Variants in CRYZ observed in about 807,000 individuals in gnomAD.
CRYZ encodes zeta-crystallin.
In CRYZ, 35 loss-of-function variants were observed where a neutral mutation model predicts 34.1. The ratio of observed to expected loss-of-function variants is 1.03; its 90% CI spans 0.78 to 1.36. CRYZ has a LOEUF of 1.36. Among genes scored for constraint, CRYZ ranks in the 40% most tolerant of loss-of-function variants. The pLI, the probability that CRYZ is intolerant of heterozygous loss-of-function variation, is 0.00. For missense variants in CRYZ, 403 were observed against 391.8 expected (o/e 1.03, Z -0.24); for synonymous variants, 137 against 136.5 (o/e 1.00, Z -0.03).
intron 8 of CRYZ, among the ~76,000 whole-genome samples, 197 bp downstream of exon 8, chr1:74,706,702 C>T (rs1646933963): frequency 6.6e-6 from 1 of 152,064 alleles, no homozygotes; most frequent in Non-Finnish European, 1.5e-5. Flanking sequence ...ACTAGTATCA[C>T]ATTTCTATCT....
Position 74,710,139 on chromosome 1 carries a change from C to G in CRYZ, c.589G>C (p.Val197Leu). The G allele has an allele frequency of 3.7e-6, 6 of 1,613,762 alleles. No individual in the cohort carries two copies. The highest frequency in any genetic ancestry group is 5.1e-6 in the Non-Finnish European group (6 of 1,179,786). ...KIVLQNGAHE[V>L]FNHREVNYID... Reference sequence around the variant, plus strand: ...TAATTCACTTCTCTGTGATTGAACACTTCATGGGCTCCATTTTGCAAAACA... The same window carrying G: ...TAATTCACTTCTCTGTGATTGAACAGTTCATGGGCTCCATTTTGCAAAACA... Residue 197 changes from valine to leucine, a missense_variant, in exon 6 of 9, where the codon GTG becomes CTG. By Grantham distance (32) the Val-to-Leu change is conservative. Transcript: ENST00000340866.
intron 4 of CRYZ, among the ~76,000 whole-genome samples, chr1:74,718,976 GTCATTTCC>G (rs1428095569): frequency 6.6e-6 from 1 of 152,094 alleles, no homozygotes; most frequent in African/African-American, 2.4e-5. Context: ...TCACTCTTAT[GTCATTTCC>G]CTTACTAGAC....
At chr1:74,732,314 G>T (rs1399113810) in intron 1 of CRYZ, among the ~76,000 whole-genome samples, 1 of 146,746 alleles carries the variant, frequency 6.8e-6, no homozygotes, top group African/African-American at 2.5e-5. Context: ...GTGGGAAGGA[G>T]CCCTACCTAG....
At chr1:74,709,672 C>G (rs545315887) in intron 6 of CRYZ, among the ~76,000 whole-genome samples, 1 of 152,328 alleles carries the variant, frequency 6.6e-6, no homozygotes, top group East Asian at 1.9e-4. Context: ...TCCAAAGCAT[C>G]CAGCTAACAA....
intron 1 of CRYZ, among the ~76,000 whole-genome samples, chr1:74,726,957 A>G (rs986797113): frequency 1.3e-5 from 2 of 151,950 alleles, no homozygotes; most frequent in Non-Finnish European, 2.9e-5. Flanking sequence ...AACAAAAGTC[A>G]CCTTTGCTCA....
At chr1:74,716,153 C>A (rs1251806344) in intron 4 of CRYZ, among the ~76,000 whole-genome samples, 2 of 152,014 alleles carry the variant, frequency 1.3e-5, no homozygotes, top group African/African-American at 2.4e-5. Flanking sequence ...CAGTCCTCCA[C>A]AATTTCATGG....
chr1:74,729,598 C>G (rs1439141495), intron 1 of CRYZ, among the ~76,000 whole-genome samples: 2 of 150,546 alleles, frequency 1.3e-5, no homozygotes, highest in African/African-American at 2.4e-5. Flanking sequence ...GAGCCATGAT[C>G]CTGCCACTGC....
At chr1:74,717,709 A>G (rs1226194657) in intron 4 of CRYZ, among the ~76,000 whole-genome samples, 1 of 152,184 alleles carries the variant, frequency 6.6e-6, no homozygotes, top group Non-Finnish European at 1.5e-5. Flanking sequence ...AACTAGTACT[A>G]TGTGAAGACA....
intron 5 of CRYZ, among the ~76,000 whole-genome samples, chr1:74,712,623 ATGAAAC>A (rs1647020796): frequency 6.6e-6 from 1 of 152,224 alleles, no homozygotes; most frequent in South Asian, 2.1e-4. Flanking sequence ...AAACAAATAC[ATGAAAC>A]TCACTGTCTG....
At chr1:74,716,634 C>T (rs1047123525) in intron 4 of CRYZ, among the ~76,000 whole-genome samples, 2 of 152,140 alleles carry the variant, frequency 1.3e-5, no homozygotes, top group Non-Finnish European at 2.9e-5. Flanking sequence ...ATGCCAATAA[C>T]CAATATTATG....
At chr1:74,717,843 T>G (rs1430342593) in intron 4 of CRYZ, among the ~76,000 whole-genome samples, 2 of 152,202 alleles carry the variant, frequency 1.3e-5, no homozygotes, top group Non-Finnish European at 2.9e-5. Flanking sequence ...CCTTTTTCTC[T>G]GACTACATTC....
At chr1:74,706,600 T>C in intron 8 of CRYZ, 143 bp from the exon 9 acceptor site, 2 of 795,608 alleles carry the variant, frequency 2.5e-6, no homozygotes, top group South Asian at 3.9e-5. Context: ...TGTCCAGAAC[T>C]ATAGAAAAAG....
chr1:74,718,532 C>T lies in CRYZ; in HGVS notation c.428+677G>A, dbSNP rs1376845965. Among the ~76,000 whole-genome samples the T allele has an allele frequency of 2.0e-5, 3 of 152,138 alleles. 1 individual carries two copies. The highest frequency in any genetic ancestry group is 4.4e-5 in the Non-Finnish European group (3 of 67,978). ...ATTACTCTGTTCCAACTTTATTCTT[C>T]GCTACTCTTTCTCTTGAAATCTCTT... On this transcript the variant is annotated intron_variant, in intron 4 of 8. Coordinates refer to ENST00000340866, the MANE Select transcript of CRYZ (RefSeq NM_001889.4).
chr1:74,718,984 C>T (rs926492810), intron 4 of CRYZ, among the ~76,000 whole-genome samples: 1 of 152,110 alleles, frequency 6.6e-6, no homozygotes, highest in Non-Finnish European at 1.5e-5. Context: ...ATGTCATTTC[C>T]CTTACTAGAC....
In CRYZ at chr1:74,708,413, T is replaced by C. The variant is rs188910977; in HGVS notation, c.631-1209A>G. On this transcript the variant is annotated intron_variant, in intron 6 of 8. Coordinates refer to ENST00000340866, the MANE Select transcript of CRYZ (RefSeq NM_001889.4). The stretch of plus-strand genomic sequence containing the variant: ...CCTCATAAAGCTTCCATTTTATTTA[T>C]TTCTGGAGATCTTTTTTAAGAGGGA... 4 of 152,252 alleles carry C rather than the reference T, an allele frequency of 2.6e-5. No individual in the cohort carries two copies. In the East Asian group the frequency reaches 7.7e-4, roughly 29 times the overall value. The allele number at this position is 152,252 out of a possible 1,614,324, so 9.4% of individuals were successfully genotyped here.
chr1:74,714,672 G>A, intron 4 of CRYZ, 42 bp from the exon 5 acceptor site: 1 of 1,603,078 alleles, frequency 6.2e-7, no homozygotes, highest in South Asian at 1.1e-5. Context: ...ATTTTTTGAA[G>A]CTAATTAATC....
intron 1 of CRYZ, 56 bp from the exon 2 acceptor site, chr1:74,724,890 T>C: frequency 1.9e-6 from 2 of 1,048,272 alleles, no homozygotes; most frequent in East Asian, 2.4e-5. Flanking sequence ...TATCACCATG[T>C]TTTTCCCCCC....
rs1647938868 is a variant in CRYZ, at chr1:74,733,028, T to C, written c.-86A>G. ...CACAGAAATGAGGACTGCCACACCT[T>C]CTCCAACTTTTGCAGGCTCCACCCA... On this transcript the variant is annotated 5_prime_UTR_variant, in exon 1 of 9. Coordinates refer to ENST00000340866, the MANE Select transcript of CRYZ (RefSeq NM_001889.4). 4.9e-6 allele frequency: 3 copies of C among 614,202 alleles called. No homozygotes were observed. The highest frequency in any genetic ancestry group is 2.1e-5 in the South Asian group (1 of 46,830). 38.0% of individuals were successfully genotyped at this position (614,202 alleles called of 1,614,324 possible).
chr1:74,719,745 C>T (rs987222650), intron 3 of CRYZ, among the ~76,000 whole-genome samples: 11 of 152,122 alleles, frequency 7.2e-5, no homozygotes, highest in African/African-American at 1.7e-4. Flanking sequence ...GTGCCCACCT[C>T]GGCCTCCCAA....
Sources: allele counts gnomAD v4.1 joint callset (sites outside exome capture counted in the v4.1 genomes callset), GRCh38; gene constraint gnomAD v4.1.1; transcripts MANE v1.5; gene names NCBI Gene and HGNC (gene_info 2026-07-23, HGNC 2026-07-21).